KIF11: variants seen among roughly 807,000 people sequenced by gnomAD.
The protein encoded by KIF11 is kinesin family member 11.
In KIF11, 9 loss-of-function variants were observed where a neutral mutation model predicts 121.0. The ratio of observed to expected loss-of-function variants is 0.07; its 90% CI spans 0.04 to 0.13. The LOEUF (loss-of-function observed/expected upper bound fraction) is 0.13, where lower values mean the gene tolerates loss of function less well. KIF11 is among the 10% of genes least tolerant of loss of function. The pLI is 1.00. For synonymous variants in KIF11, 408 were observed against 421.0 expected (o/e 0.97, Z 0.38); for missense variants, 846 against 1,217.5 (o/e 0.69, Z 4.54).
chr10:92,651,339 T>C (rs1473031677), intron 21 of KIF11, among the ~76,000 whole-genome samples: 1 of 149,200 alleles, frequency 6.7e-6, no homozygotes, highest in East Asian at 2.0e-4. Flanking sequence ...TCTACCCACT[T>C]TTTTTTTTCT....
At chr10:92,628,258 G>A (rs958332316) in intron 10 of KIF11, among the ~76,000 whole-genome samples, 9 of 152,136 alleles carry the variant, frequency 5.9e-5, no homozygotes, top group Non-Finnish European at 1.0e-4. Context: ...AGGGTTATGC[G>A]GTGGGGTGAG....
At chr10:92,600,229 TC>T (rs1220467664) in intron 1 of KIF11, among the ~76,000 whole-genome samples, 1 of 151,990 alleles carries the variant, frequency 6.6e-6, no homozygotes, top group East Asian at 1.9e-4. Flanking sequence ...GGTCTTGAAC[TC>T]CTGACCTCGT....
At chr10:92,601,742 A>G (rs373132064) in intron 1 of KIF11, among the ~76,000 whole-genome samples, 11 of 149,056 alleles carry the variant, frequency 7.4e-5, no homozygotes, top group African/African-American at 2.2e-4. Flanking sequence ...GGGTCTCGCT[A>G]TGTTTCCCAT....
chr10:92,640,432 GTT>G (rs1844852486), intron 17 of KIF11, among the ~76,000 whole-genome samples: 1 of 152,006 alleles, frequency 6.6e-6, no homozygotes, highest in Non-Finnish European at 1.5e-5. Context: ...TTTGTTTTTT[GTT>G]TTTGTTTTTG....
intron 6 of KIF11, among the ~76,000 whole-genome samples, chr10:92,612,156 GAC>G (rs1481220853): frequency 2.0e-5 from 3 of 149,598 alleles, no homozygotes; most frequent in African/African-American, 7.4e-5. Flanking sequence ...TTTTTTTTGA[GAC>G]AGCGTCTCAC....
At chr10:92,648,496 G>A (rs1397269264) in intron 19 of KIF11, 62 bp downstream of exon 19, 1 of 1,048,108 alleles carries the variant, frequency 9.5e-7, no homozygotes, top group Non-Finnish European at 1.4e-6. Context: ...TCTATGTAGT[G>A]TCAGATGTTC....
intron 1 of KIF11, among the ~76,000 whole-genome samples, chr10:92,605,763 G>A (rs1252275916): frequency 1.3e-5 from 2 of 152,190 alleles, no homozygotes; most frequent in Non-Finnish European, 2.9e-5. Flanking sequence ...TGGGATTACA[G>A]GCGTGAGCCA....
Position 92,593,322 on chromosome 10 carries a change from C to T in KIF11, c.-54C>T, listed in dbSNP as rs1844252043. On this transcript the variant is annotated 5_prime_UTR_variant, in exon 1 of 22. Coordinates refer to ENST00000260731, the MANE Select transcript of KIF11 (RefSeq NM_004523.4). ...CCTGTCGGCCGCCAAGCCCCTCCGC[C>T]CCTCACAGCGCCCAGGTCCGCGGCC... is the stretch of plus-strand genomic sequence containing the variant. The T allele has an allele frequency of 6.4e-6, 10 of 1,551,998 alleles. No individual in the cohort carries two copies. Among genetic ancestry groups the T allele is most frequent in the Non-Finnish European group, 8.7e-6 (10 of 1,143,598 alleles).
chr10:92,597,688 G>A (rs1050381595), intron 1 of KIF11, among the ~76,000 whole-genome samples: 3 of 151,796 alleles, frequency 2.0e-5, no homozygotes, highest in African/African-American at 4.8e-5. Context: ...TTTTGCTCTC[G>A]TTGCCTAGGC....
At chr10:92,608,947 A>T in intron 4 of KIF11, 73 bp from the exon 5 acceptor site, 1 of 774,066 alleles carries the variant, frequency 1.3e-6, no homozygotes, top group Non-Finnish European at 2.0e-6. Context: ...TATATTATAA[A>T]GGAGGCCCAT....
chr10:92,634,876 A>G (rs1844780687), intron 14 of KIF11, among the ~76,000 whole-genome samples: 1 of 152,238 alleles, frequency 6.6e-6, no homozygotes, highest in Non-Finnish European at 1.5e-5. Context: ...TATGATAGTA[A>G]TAATGGTGCA....
chr10:92,645,009 A>G (rs1009637772), intron 17 of KIF11, among the ~76,000 whole-genome samples: 6 of 152,210 alleles, frequency 3.9e-5, no homozygotes, highest in African/African-American at 1.4e-4. Flanking sequence ...TAAATGACTG[A>G]TTGTCCAATT....
At chr10:92,620,727 G>A (rs2135909446) in intron 9 of KIF11, among the ~76,000 whole-genome samples, 1 of 152,314 alleles carries the variant, frequency 6.6e-6, no homozygotes, top group South Asian at 2.1e-4. Context: ...ATCTTACGTG[G>A]GTGGCAGCAG....
chr10:92,611,205 G>GTAT (rs906283340), intron 6 of KIF11, among the ~76,000 whole-genome samples: 88 of 151,072 alleles, frequency 5.8e-4, no homozygotes, highest in Middle Eastern at 3.4e-3. Flanking sequence ...GAGATGAATA[G>GTAT]TATTATTATT....
intron 14 of KIF11, among the ~76,000 whole-genome samples, chr10:92,634,379 C>T (rs1358645217): frequency 6.6e-6 from 1 of 151,986 alleles, no homozygotes; most frequent in Non-Finnish European, 1.5e-5. Flanking sequence ...AAGCAGTTCT[C>T]TTGCCTCAGC....
rs1198245571 is a variant in KIF11, at chr10:92,621,366, C to T, written c.1129-19C>T. 1.3e-6 allele frequency: 2 copies of T among 1,514,676 alleles called. No homozygotes were observed. Among genetic ancestry groups the T allele is most frequent in the African/African-American group, 1.4e-5 (1 of 72,606 alleles). The allele number at this position is 1,514,676 out of a possible 1,614,324, so 93.8% of individuals were successfully genotyped here. A position where few individuals can be genotyped will look rare whatever the true frequency, so the allele number is the denominator to read the frequency against. ...GAAAAAAGTACTAAACTGACACCTA[C>T]AACATTCCTCTTGTGTAGGAGTATA... On this transcript the variant is annotated intron_variant, in intron 9 of 21. Coordinates refer to ENST00000260731, the MANE Select transcript of KIF11 (RefSeq NM_004523.4).
In KIF11 at chr10:92,613,027, T is replaced by C; in HGVS notation, c.699-13T>C. ...ACATTATAATGACTGGGCAACTTGA[T>C]ATTGTTTTCTAGTCGTTCCCACTCA... On this transcript the variant is annotated splice_polypyrimidine_tract_variant and intron_variant, in intron 6 of 21. Coordinates refer to ENST00000260731, the MANE Select transcript of KIF11 (RefSeq NM_004523.4). This position sits in a 1 kb window ranked among gnomAD's most constrained non-coding sequence, Gnocchi z 4.2. 6.7e-7 allele frequency: 1 copy of C among 1,493,594 alleles called. No homozygotes were observed. Among genetic ancestry groups the C allele is most frequent in the Non-Finnish European group, 9.3e-7 (1 of 1,077,620 alleles). The allele number at this position is 1,493,594 out of a possible 1,614,324, so 92.5% of individuals were successfully genotyped here.
intron 1 of KIF11, 89 bp from the exon 2 acceptor site, chr10:92,606,175 AT>A (rs2135900455): frequency 1.5e-6 from 2 of 1,333,100 alleles, no homozygotes; most frequent in South Asian, 1.7e-5. Context: ...AAAATTTCGC[AT>A]TTTTCTTGAC....
chr10:92,651,508 T>G (rs12764800), intron 21 of KIF11, among the ~76,000 whole-genome samples: 3 of 30,942 alleles, frequency 9.7e-5, no homozygotes, highest in Non-Finnish European at 1.5e-4. Flanking sequence ...GCTAATTTTG[T>G]TTTTTTTTTT....
Sources: allele counts gnomAD v4.1 joint callset (sites outside exome capture counted in the v4.1 genomes callset), GRCh38; gene constraint gnomAD v4.1.1; non-coding constraint Gnocchi (gnomAD v3.1); transcripts MANE v1.5; gene names NCBI Gene and HGNC (gene_info 2026-07-23, HGNC 2026-07-21).